GTF2IRD1: variants seen among roughly 807,000 people sequenced by gnomAD.
GTF2IRD1 encodes GTF2I repeat domain containing 1.
Under a neutral mutation model 113.2 loss-of-function variants are expected in GTF2IRD1, and 26 were observed. The ratio of observed to expected loss-of-function variants is 0.23; its 90% confidence interval spans 0.17 to 0.32. The LOEUF is 0.32. Among genes scored for constraint, GTF2IRD1 ranks in the 10% least tolerant of loss-of-function variants. GTF2IRD1 has a pLI of 1.00. For missense variants in GTF2IRD1, 864 were observed against 1,280.8 expected (o/e 0.67, Z 4.97); for synonymous variants, 484 against 529.1 (o/e 0.91, Z 1.17).
At chr7:74,560,742 C>A (rs1174160930) in intron 22 of GTF2IRD1, among the ~76,000 whole-genome samples, 1 of 151,746 alleles carries the variant, frequency 6.6e-6, no homozygotes, top group Non-Finnish European at 1.5e-5. Flanking sequence ...CCACCATGCC[C>A]GGCTAATTTT....
intron 22 of GTF2IRD1, among the ~76,000 whole-genome samples, chr7:74,577,617 T>C (rs1801153308): frequency 6.6e-6 from 1 of 152,092 alleles, no homozygotes; most frequent in Non-Finnish European, 1.5e-5. Flanking sequence ...CCTGTTCTCC[T>C]CCATGATATA....
chr7:74,482,544 T>TA (rs1554334849), intron 1 of GTF2IRD1, among the ~76,000 whole-genome samples: 2 of 152,052 alleles, frequency 1.3e-5, no homozygotes, highest in African/African-American at 4.8e-5. Flanking sequence ...ACACTTTTCA[T>TA]TGAGAACAAA....
chr7:74,552,703 G>A (rs1407487799), intron 17 of GTF2IRD1, among the ~76,000 whole-genome samples: 1 of 152,196 alleles, frequency 6.6e-6, no homozygotes, highest in Non-Finnish European at 1.5e-5. Context: ...CACCCGGGCA[G>A]CTTGAGGTCA....
In GTF2IRD1 at chr7:74,512,651, C is replaced by G. The variant is rs1264740853; in HGVS notation, c.124-179C>G. On this transcript the variant is annotated intron_variant, in intron 2 of 26. Transcript: ENST00000424337. This position sits in a 1 kb window ranked among gnomAD's most constrained non-coding sequence, Gnocchi z 4.4. The stretch of plus-strand genomic sequence containing the variant: ...CCCCCATCGCCAATGCCTGCAGGGC[C>G]ATTTCATTCAGTCCCACTACAGAAT... Among the ~76,000 whole-genome samples the G allele has an allele frequency of 6.6e-6, 1 of 152,226 alleles. No individual in the cohort carries two copies. The highest frequency in any genetic ancestry group is 2.4e-5 in the African/African-American group (1 of 41,458).
chr7:74,579,731 A>G (rs1341119666), intron 22 of GTF2IRD1, among the ~76,000 whole-genome samples: 1 of 151,918 alleles, frequency 6.6e-6, no homozygotes, highest in Admixed American at 6.6e-5. Flanking sequence ...GGTGTGGGCC[A>G]CCATGCCCAG....
In GTF2IRD1 at chr7:74,590,956, C is replaced by T. The variant is rs368204735; in HGVS notation, c.2530C>T (p.Arg844Trp). ...GAACCCCAACACGTACGACATCCACCGGCTGGAGAAGATCCTGAAGGCCCG... is the reference window on the plus strand; with the variant it reads ...GAACCCCAACACGTACGACATCCACTGGCTGGAGAAGATCCTGAAGGCCCG... The part of the protein sequence containing the change: ...FRNPNTYDIH[R>W]LEKILKAREH... Residue 844 changes from arginine (R) to tryptophan (W), a missense_variant, in exon 24 of 27, where the codon CGG becomes TGG. Physicochemically the swap from Arg to Trp is moderately radical, Grantham distance 101. Coordinates refer to ENST00000424337, the MANE Select transcript of GTF2IRD1 (RefSeq NM_005685.4). 1.5e-4 allele frequency: 238 copies of T among 1,613,370 alleles called. No individual in the cohort carries two copies. Among genetic ancestry groups the T allele is most frequent in the Non-Finnish European group, 1.9e-4 (220 of 1,179,872 alleles).
chr7:74,601,134 C>G lies in GTF2IRD1; in HGVS notation c.2720C>G (p.Ser907Cys). The G allele has an allele frequency of 1.9e-6, 3 of 1,611,870 alleles. No homozygotes were observed. The highest frequency in any genetic ancestry group is 2.5e-6 in the Non-Finnish European group (3 of 1,178,970). Reference protein sequence around the residue: ...SSSSSSSSSSSSNPDSVASAN... With the variant: ...SSSSSSSSSSCSNPDSVASAN... ...TCCTCCTCGTCTTCCTCTTCCTCGT[C>G]CTCTAACCCGGATTCAGTGGCATCG... The change falls in exon 26 of 27, where the codon TCC (serine) becomes TGC (cysteine). Residue 907 changes from serine to cysteine, a missense_variant. Ser to Cys is a moderately radical substitution (Grantham distance 112). This residue lies in a region of GTF2IRD1 where 55 missense variants were observed against 52.2 expected (regional missense o/e 1.05). Transcript: ENST00000424337.
At chr7:74,594,607 A>G (rs1444585225) in intron 24 of GTF2IRD1, among the ~76,000 whole-genome samples, 3 of 152,098 alleles carry the variant, frequency 2.0e-5, no homozygotes, top group Non-Finnish European at 4.4e-5. Context: ...CTCCCCCAGC[A>G]GCAGCAGCAG....
chr7:74,544,479 C>T (rs183173138), intron 14 of GTF2IRD1, among the ~76,000 whole-genome samples: 124 of 152,362 alleles, frequency 8.1e-4, no homozygotes, highest in African/African-American at 3.0e-3. Context: ...AGCCACCGTG[C>T]CCAGCCGAGG....
At chr7:74,583,643 G>A (rs1280541649) in intron 22 of GTF2IRD1, among the ~76,000 whole-genome samples, 2 of 151,850 alleles carry the variant, frequency 1.3e-5, no homozygotes, top group Non-Finnish European at 2.9e-5. Context: ...CTGGTCCACC[G>A]CCTGGGACCT....
At chr7:74,546,886 T>C (rs1798976958) in intron 16 of GTF2IRD1, among the ~76,000 whole-genome samples, 1 of 152,172 alleles carries the variant, frequency 6.6e-6, no homozygotes, top group Non-Finnish European at 1.5e-5. Context: ...GGCTCTGCTG[T>C]TCAGTGGCTC....
rs1295650508 is a variant in GTF2IRD1 at position 74,554,607 on chromosome 7, C to T, written c.1917-567C>T. On this transcript the variant is annotated intron_variant, in intron 17 of 26. Transcript: ENST00000424337. ...AGGCTGGAGTGCAGTGGTGCTATCT[C>T]AGTTCACTGCAACCTCTGCCTCCTG... 2.0e-5 allele frequency among the ~76,000 whole-genome samples: 3 copies of T among 152,140 alleles called. No homozygotes were observed. In the East Asian group the frequency reaches 5.8e-4, roughly 29 times the overall value.
At chr7:74,589,718 A>C in intron 22 of GTF2IRD1, 133 bp from the exon 23 acceptor site, 8 of 532,106 alleles carry the variant, frequency 1.5e-5, no homozygotes, top group East Asian at 6.8e-5. Context: ...AAAAAAAAAC[A>C]GCTATATAGG....
intron 1 of GTF2IRD1, among the ~76,000 whole-genome samples, chr7:74,480,545 G>C (rs893579516): frequency 6.6e-6 from 1 of 152,178 alleles, no homozygotes; most frequent in East Asian, 1.9e-4. Flanking sequence ...CCATAGGCAC[G>C]CAGGCCCGCG....
intron 1 of GTF2IRD1, chr7:74,505,957 A>G (rs1796276733): frequency 6.6e-6 from 1 of 152,256 alleles, no homozygotes; most frequent in Non-Finnish European, 1.5e-5. Context: ...AAACTTCTAT[A>G]AAATTGCAAC....
At chr7:74,502,241 A>G (rs1193568400) in intron 1 of GTF2IRD1, among the ~76,000 whole-genome samples, 2 of 152,166 alleles carry the variant, frequency 1.3e-5, no homozygotes, top group African/African-American at 2.4e-5. Flanking sequence ...GCCCGGCCAG[A>G]AAGGGGAGTT....
At position 74,557,921 on chromosome 7, in the gene GTF2IRD1, A is replaced by G. The variant is rs138187308; in HGVS notation, c.2107+199A>G. Among the ~76,000 whole-genome samples the G allele has an allele frequency of 7.2e-3, 1,104 of 152,282 alleles. 6 individuals carry two copies. Among genetic ancestry groups the G allele is most frequent in the Non-Finnish European group, 0.011 (752 of 68,020 alleles). On this transcript the variant is annotated intron_variant, in intron 20 of 26. Coordinates refer to ENST00000424337, the MANE Select transcript of GTF2IRD1 (RefSeq NM_005685.4). The stretch of plus-strand genomic sequence containing the variant: ...TGAATAAAACAGACACAGTCCCTGT[A>G]CTCATGAGCCTTGCAGACCAATGAG...
intron 1 of GTF2IRD1, among the ~76,000 whole-genome samples, chr7:74,460,266 T>C (rs1793276872): frequency 6.6e-6 from 1 of 151,626 alleles, no homozygotes; most frequent in Non-Finnish European, 1.5e-5. Context: ...TCCTTTTTCA[T>C]TTTTATTTTA....
intron 1 of GTF2IRD1, among the ~76,000 whole-genome samples, chr7:74,495,707 A>G (rs1554337670): frequency 1.3e-5 from 2 of 152,158 alleles, no homozygotes; most frequent in East Asian, 3.9e-4. Flanking sequence ...CGAGCCCACA[A>G]GAGCTAAGAG....
Sources: allele counts gnomAD v4.1 joint callset (sites outside exome capture counted in the v4.1 genomes callset), GRCh38; gene constraint gnomAD v4.1.1; regional missense constraint gnomAD v4.1.1; non-coding constraint Gnocchi (gnomAD v3.1); transcripts MANE v1.5; gene names NCBI Gene and HGNC (gene_info 2026-07-23, HGNC 2026-07-21).